Variants in PLCL2 observed in about 807,000 individuals in gnomAD.
The protein encoded by PLCL2 is phospholipase C like 2, also known as inactive phospholipase C-like protein 2.
Under a neutral mutation model 79.6 loss-of-function variants are expected in PLCL2, and 4 were observed. The ratio of observed to expected loss-of-function variants is 0.05; its 90% confidence interval spans 0.02 to 0.11. The LOEUF is 0.11. Ranked by LOEUF, PLCL2 falls within the 10% of genes least tolerant of loss-of-function variation. PLCL2 has a pLI of 1.00. For synonymous variants in PLCL2, 484 were observed against 457.7 expected, an observed-to-expected ratio of 1.06 and a Z score of -0.73; for missense variants, 895 against 1,291.0, an observed-to-expected ratio of 0.69 and a Z score of 4.70.
chr3:16,979,343 TC>T (rs2063956936), intron 1 of PLCL2, among the ~76,000 whole-genome samples: 1 of 63,900 alleles, frequency 1.6e-5, no homozygotes. Context: ...CAAATCACTT[TC>T]TTTTTTTTTT....
intron 4 of PLCL2, among the ~76,000 whole-genome samples, chr3:17,054,709 A>G (rs975483274): frequency 5.9e-5 from 9 of 152,174 alleles, no homozygotes; most frequent in Non-Finnish European, 1.3e-4. Context: ...ATTACCTCCC[A>G]CCAGGACCCA....
Position 17,052,387 on chromosome 3 carries a change from A to C in PLCL2, c.3094+9438A>C, listed in dbSNP as rs73151346. 7.5e-3 allele frequency among the ~76,000 whole-genome samples: 1,142 copies of C among 152,254 alleles called. 20 individuals are homozygous for C. Among genetic ancestry groups the C allele is most frequent in the African/African-American group, 0.026 (1,091 of 41,534 alleles). On this transcript the variant is annotated intron_variant, in intron 4 of 5. Coordinates refer to ENST00000615277, the MANE Select transcript of PLCL2 (RefSeq NM_001144382.2). ...CCAAACCAGTGCCAGACAATGAAGA[A>C]TATGTAGAAGAAGCAGTGCCCCCAA... is the stretch of plus-strand genomic sequence containing the variant.
chr3:16,901,025 C>T (rs1696604933), intron 1 of PLCL2, among the ~76,000 whole-genome samples: 1 of 152,194 alleles, frequency 6.6e-6, no homozygotes, highest in African/African-American at 2.4e-5. Flanking sequence ...GTGAAAGGAA[C>T]TGAAGTTTAA....
chr3:16,923,019 C>T (rs1249277181), intron 1 of PLCL2, among the ~76,000 whole-genome samples: 2 of 152,128 alleles, frequency 1.3e-5, no homozygotes, highest in African/African-American at 4.8e-5. Context: ...CAACCTCTTT[C>T]TAAGAATGAA....
At chr3:16,956,198 G>A (rs62245978) in intron 1 of PLCL2, among the ~76,000 whole-genome samples, 1,287 of 127,000 alleles carry the variant, frequency 0.01, 3 homozygotes, top group Non-Finnish European at 0.012. Context: ...TTTGAGATAC[G>A]TCCCATCAAT....
At chr3:17,027,308 T>C (rs914122928) in intron 3 of PLCL2, among the ~76,000 whole-genome samples, 2 of 152,130 alleles carry the variant, frequency 1.3e-5, no homozygotes, top group Non-Finnish European at 2.9e-5. Context: ...ATTGGAAAAA[T>C]AAAAAATAAT....
intron 5 of PLCL2, among the ~76,000 whole-genome samples, chr3:17,071,504 A>T (rs1314254099): frequency 6.6e-6 from 1 of 152,212 alleles, no homozygotes; most frequent in African/African-American, 2.4e-5. Flanking sequence ...TTAAAATAGA[A>T]AAATGTTTTT....
At chr3:16,902,245 AAG>A (rs962708932) in intron 1 of PLCL2, among the ~76,000 whole-genome samples, 1 of 152,194 alleles carries the variant, frequency 6.6e-6, no homozygotes, top group Non-Finnish European at 1.5e-5. Context: ...GACTGGATGA[AAG>A]AGAGAGTATT....
At chr3:16,889,415 ATC>A (rs892799002) in intron 1 of PLCL2, among the ~76,000 whole-genome samples, 4 of 152,210 alleles carry the variant, frequency 2.6e-5, no homozygotes, top group Admixed American at 6.5e-5. Context: ...AAGGAAAAGA[ATC>A]TCTGTTTCTG....
In PLCL2 at chr3:17,071,772, C is replaced by G. The variant is rs551153277; in HGVS notation, c.3204+3707C>G. On this transcript the variant is annotated intron_variant, in intron 5 of 5. Coordinates refer to ENST00000615277, the MANE Select transcript of PLCL2 (RefSeq NM_001144382.2). ...CTACATAAAATACTGGCACATCTCA[C>G]AAGCACTAATGTCTCAGATATTATA... is the stretch of plus-strand genomic sequence containing the variant. 6.6e-4 allele frequency among the ~76,000 whole-genome samples: 101 copies of G among 152,222 alleles called. 1 individual carries two copies. Among genetic ancestry groups the G allele is most frequent in the Middle Eastern group, 6.8e-3 (2 of 294 alleles).
chr3:16,978,329 G>C (rs2063947182), intron 1 of PLCL2, among the ~76,000 whole-genome samples: 1 of 152,236 alleles, frequency 6.6e-6, no homozygotes, highest in African/African-American at 2.4e-5. Flanking sequence ...TGTGACTTAT[G>C]TATCTGTGGT....
intron 1 of PLCL2, among the ~76,000 whole-genome samples, chr3:16,957,957 A>C: frequency 6.6e-6 from 1 of 152,138 alleles, no homozygotes; most frequent in Admixed American, 6.5e-5. Flanking sequence ...AATACAGCAC[A>C]CTGATGGGTC....
chr3:17,014,199 G>GTAGCATCCTCAAAGGTTCTTTAT (rs1406440558), intron 2 of PLCL2, among the ~76,000 whole-genome samples: 29 of 152,330 alleles, frequency 1.9e-4, no homozygotes, highest in Non-Finnish European at 3.1e-4. Context: ...ACAGAGAACA[G>GTAGCATCCTCAAAGGTTCTTTAT]TAGCATCCTC....
chr3:16,890,713 C>G lies in PLCL2; in HGVS notation c.327+5347C>G, dbSNP rs144674993. ...TTTTACCAGTGGACCACAGGATCTGCGACTGTTATGTTTGTAAGCTGCCTG... is the reference window on the plus strand; with the variant it reads ...TTTTACCAGTGGACCACAGGATCTGGGACTGTTATGTTTGTAAGCTGCCTG... On this transcript the variant is annotated intron_variant, in intron 1 of 5. Transcript: ENST00000615277. Among the ~76,000 whole-genome samples the G allele has an allele frequency of 1.7e-3, 252 of 152,248 alleles. 2 individuals carry two copies. The highest frequency in any genetic ancestry group is 5.9e-3 in the African/African-American group (243 of 41,530).
intron 5 of PLCL2, among the ~76,000 whole-genome samples, chr3:17,075,044 A>G (rs1031093372): frequency 2.6e-5 from 4 of 152,212 alleles, no homozygotes; most frequent in South Asian, 2.1e-4. Context: ...ACTTGGATAA[A>G]TGTTTGGTGC....
chr3:16,924,335 A>G lies in PLCL2; in HGVS notation c.327+38969A>G, dbSNP rs1053154312. Among the ~76,000 whole-genome samples the G allele has an allele frequency of 2.6e-5, 4 of 152,270 alleles. No homozygotes were observed. The South Asian group carries it at 8.3e-4, about 32-fold the overall frequency. ...TCTATACTAATTTTATAAAGTCTATATTCTTTATCATATATGTCCATTGAA... is the reference window on the plus strand; with the variant it reads ...TCTATACTAATTTTATAAAGTCTATGTTCTTTATCATATATGTCCATTGAA... On this transcript the variant is annotated intron_variant, in intron 1 of 5. Coordinates refer to ENST00000615277, the MANE Select transcript of PLCL2 (RefSeq NM_001144382.2).
intron 1 of PLCL2, among the ~76,000 whole-genome samples, chr3:16,981,957 T>C (rs550736245): frequency 3.3e-5 from 5 of 152,238 alleles, no homozygotes; most frequent in South Asian, 4.1e-4. Flanking sequence ...TAAATTATCC[T>C]CTTTTATATT....
intron 3 of PLCL2, among the ~76,000 whole-genome samples, chr3:17,035,257 C>A (rs1403888058): frequency 1.3e-5 from 2 of 150,306 alleles, no homozygotes; most frequent in Admixed American, 1.3e-4. Flanking sequence ...CGTTAACATA[C>A]TTAAAGGAAC....
chr3:17,034,263 T>C (rs543218368), intron 3 of PLCL2, among the ~76,000 whole-genome samples: 1 of 152,276 alleles, frequency 6.6e-6, no homozygotes, highest in South Asian at 2.1e-4. Context: ...GAGTGTGCCC[T>C]GCGATGGGAT....
Sources: allele counts gnomAD v4.1 joint callset (sites outside exome capture counted in the v4.1 genomes callset), GRCh38; gene constraint gnomAD v4.1.1; transcripts MANE v1.5; gene names NCBI Gene and HGNC (gene_info 2026-07-23, HGNC 2026-07-21).